ERICH1: variants seen among roughly 807,000 people sequenced by gnomAD.
The protein encoded by ERICH1 is glutamate rich 1, also known as glutamate-rich protein 1.
Under a neutral mutation model 39.6 loss-of-function variants are expected in ERICH1, and 56 were observed. That is an observed-to-expected ratio of 1.41 (90% CI 1.14 to 1.77). ERICH1 has a LOEUF of 1.77. ERICH1 is among the 40% of genes most tolerant of loss of function. The pLI is 0.00. For synonymous variants in ERICH1, 313 were observed against 223.6 expected (o/e 1.40, Z -3.57); for missense variants, 826 against 575.4 (o/e 1.44, Z -4.45).
At chr8:703,745 T>C (rs10780176) in intron 2 of ERICH1, among the ~76,000 whole-genome samples, 107,132 of 151,718 alleles carry the variant, frequency 0.71, 39,072 homozygotes, top group Non-Finnish European at 0.8. Context: ...CAGAAAGTGG[T>C]CTCAAATCAC....
chr8:674,130 G>C lies in ERICH1; in HGVS notation c.305-83C>G, dbSNP rs966755896. On this transcript the variant is annotated intron_variant, in intron 3 of 5. Transcript: ENST00000262109. ...TTAGGCTAAATAAATTTTCCATCAGGATCTTGTAGTTTTAGTAGAAAAAGA... is the reference window on the plus strand; with the variant it reads ...TTAGGCTAAATAAATTTTCCATCAGCATCTTGTAGTTTTAGTAGAAAAAGA... The C allele has an allele frequency of 3.4e-5, 49 of 1,428,284 alleles. 2 individuals are homozygous for C. The South Asian group carries it at 6.3e-4, about 18-fold the overall frequency. The allele number at this position is 1,428,284 out of a possible 1,614,324, so 88.5% of individuals were successfully genotyped here.
At chr8:660,235 A>G (rs34858290), downstream of ERICH1, among the ~76,000 whole-genome samples, 6,991 of 152,302 alleles carry the variant, frequency 0.046, 204 homozygotes, top group Middle Eastern at 0.078. Flanking sequence ...GCTCATGTTC[A>G]CACACACCTG....
chr8:644,066 G>T (rs1320711597), intron 3 of ERICH1, among the ~76,000 whole-genome samples: 1 of 152,238 alleles, frequency 6.6e-6, no homozygotes, highest in African/African-American at 2.4e-5. Context: ...TACATTTTAA[G>T]TAGAGACACA....
intron 3 of ERICH1, among the ~76,000 whole-genome samples, chr8:653,012 G>A (rs1217573303): frequency 1.3e-5 from 2 of 152,166 alleles, no homozygotes; most frequent in African/African-American, 2.4e-5. Flanking sequence ...AATGAAAAAC[G>A]GTACAGCCAT....
chr8:699,368 C>T lies in ERICH1; in HGVS notation c.170-6756G>A, dbSNP rs1228578086. On this transcript the variant is annotated intron_variant, in intron 2 of 5. Coordinates refer to ENST00000262109, the MANE Select transcript of ERICH1 (RefSeq NM_207332.3). The stretch of plus-strand genomic sequence containing the variant: ...TGCTGTCCCAGCGGCCTTCTTCTCT[C>T]CTGGTACCACGACATTTCAAGTAAT... Among the ~76,000 whole-genome samples the T allele has an allele frequency of 2.0e-5, 3 of 152,190 alleles. No homozygotes were observed. In the South Asian group the frequency reaches 6.2e-4, roughly 31 times the overall value.
intron 3 of ERICH1, chr8:625,933 T>C (rs1415614903): frequency 6.6e-6 from 1 of 152,270 alleles, no homozygotes; most frequent in Non-Finnish European, 1.5e-5. Flanking sequence ...GATTTCTTCA[T>C]GCCGTAAAAT....
chr8:635,974 G>T (rs908074892), intron 3 of ERICH1, among the ~76,000 whole-genome samples: 4 of 152,254 alleles, frequency 2.6e-5, no homozygotes, highest in African/African-American at 9.6e-5. Context: ...AGGGCGAGAA[G>T]GCCTCCGCCT....
chr8:627,000 C>CA, intron 3 of ERICH1: 1 of 414,908 alleles, frequency 2.4e-6, no homozygotes, highest in Non-Finnish European at 4.9e-6. Context: ...GCCTGGTACT[C>CA]ACCAAGCTCT....
At chr8:674,959 C>G (rs1279537121) in intron 3 of ERICH1, among the ~76,000 whole-genome samples, 1 of 152,228 alleles carries the variant, frequency 6.6e-6, no homozygotes, top group African/African-American at 2.4e-5. Flanking sequence ...CGATTTCAAA[C>G]TACCACTGTG....
At chr8:682,170 C>T (rs1806288055) in intron 3 of ERICH1, among the ~76,000 whole-genome samples, 1 of 152,170 alleles carries the variant, frequency 6.6e-6, no homozygotes, top group African/African-American at 2.4e-5. Flanking sequence ...AAGTCTTCCT[C>T]ACGGTGGTCT....
In ERICH1 at chr8:673,647, C is replaced by A; in HGVS notation, c.705G>T (p.Ala235=). 5 of 1,612,832 alleles carry A rather than the reference C, an allele frequency of 3.1e-6. No homozygotes were observed. The highest frequency in any genetic ancestry group is 4.2e-6 in the Non-Finnish European group (5 of 1,179,628). The change falls in exon 4 of 6, where the codon GCG becomes GCT. Residue 235 remains alanine (A), a synonymous_variant. Coordinates refer to ENST00000262109, the MANE Select transcript of ERICH1 (RefSeq NM_207332.3). The stretch of plus-strand genomic sequence containing the variant: ...GTGTCAGGTCTTCCTCGCTAGCGTC[C>A]GCACCATCTTCCTCCCTGGTATCTT... ...DVKDTREEDG[A]DASEEDLTRA...
intron 3 of ERICH1, among the ~76,000 whole-genome samples, chr8:617,220 G>A (rs1796976845): frequency 6.6e-6 from 1 of 152,134 alleles, no homozygotes; most frequent in Non-Finnish European, 1.5e-5. Context: ...TTCATGAAGG[G>A]CTTCCGTAAA....
chr8:629,445 G>T (rs1361056291), intron 3 of ERICH1, among the ~76,000 whole-genome samples: 1 of 146,926 alleles, frequency 6.8e-6, no homozygotes, highest in African/African-American at 2.5e-5. Context: ...CACAGACAGA[G>T]CTGACTCACA....
At chr8:622,943 G>A (rs887881077) in intron 3 of ERICH1, among the ~76,000 whole-genome samples, 2 of 113,246 alleles carry the variant, frequency 1.8e-5, no homozygotes, top group Non-Finnish European at 3.6e-5. Flanking sequence ...GGGCAACAGA[G>A]GAGATCCGCT....
chr8:704,541 G>A (rs1391077970), intron 2 of ERICH1, among the ~76,000 whole-genome samples: 6 of 152,130 alleles, frequency 3.9e-5, no homozygotes, highest in Non-Finnish European at 8.8e-5. Context: ...TTCACAAAAC[G>A]GAATAATCGT....
intron 1 of ERICH1, among the ~76,000 whole-genome samples, chr8:727,791 G>C (rs1415319070): frequency 6.6e-6 from 1 of 152,142 alleles, no homozygotes; most frequent in South Asian, 2.1e-4. Context: ...TCCTTGACGC[G>C]AGCGGCTGGC....
chr8:669,796 TG>T (rs1420771382), intron 4 of ERICH1, among the ~76,000 whole-genome samples: 12 of 152,366 alleles, frequency 7.9e-5, no homozygotes, highest in Middle Eastern at 3.4e-3. Flanking sequence ...CGACTTCCCC[TG>T]GATCTGGCTG....
At chr8:665,286 T>TGGTCCCCGGCTCCAACCTCTGAGCCCGCC (rs1563205749) in intron 5 of ERICH1, among the ~76,000 whole-genome samples, 2 of 152,002 alleles carry the variant, frequency 1.3e-5, no homozygotes, top group Non-Finnish European at 2.9e-5. Flanking sequence ...CTGAGCCCAC[T>TGGTCCCCGGCTCCAACCTCTGAGCCCGCC]GGTCCCCGGC....
At chr8:683,381 C>G (rs1394992038) in intron 3 of ERICH1, among the ~76,000 whole-genome samples, 3 of 152,234 alleles carry the variant, frequency 2.0e-5, no homozygotes, top group Non-Finnish European at 2.9e-5. Context: ...CCTCAGCCAC[C>G]AAGGACTGCC....
Sources: gnomAD v4.1 joint callset for allele counts (sites outside exome capture counted in the v4.1 genomes callset) on GRCh38, gnomAD v4.1.1 for gene constraint, MANE v1.5 for transcripts, NCBI Gene and HGNC (gene_info 2026-07-23, HGNC 2026-07-21) for gene names.